Variants in SIPA1L2 observed in about 807,000 individuals in gnomAD.
SIPA1L2 encodes signal-induced proliferation-associated 1-like protein 2.
SIPA1L2 carries 56 observed loss-of-function variants against 163.9 expected under a neutral mutation model. That is an observed-to-expected ratio of 0.34 (90% CI 0.28 to 0.43). The LOEUF (loss-of-function observed/expected upper bound fraction) is 0.43, where lower values mean the gene tolerates loss of function less well. Ranked by LOEUF, SIPA1L2 falls within the 20% of genes least tolerant of loss-of-function variation. The pLI is 1.00. For synonymous variants in SIPA1L2, 877 were observed against 865.7 expected (o/e 1.01, Z -0.23); for missense variants, 1,974 against 2,193.5 (o/e 0.90, Z 2.00).
chr1:232,612,045 C>T (rs1487712875), intron 1 of SIPA1L2, among the ~76,000 whole-genome samples: 1 of 152,302 alleles, frequency 6.6e-6, no homozygotes, highest in African/African-American at 2.4e-5. Flanking sequence ...AAGGGGTCAG[C>T]GTTGAGCTGG....
chr1:232,445,616 C>T lies in SIPA1L2; in HGVS notation c.3266G>A (p.Arg1089Gln), dbSNP rs751784879. ...CTGGAGCAGCTGTTGGCACGGCAGC[C>T]GGTCGGGCGTGCCGGGGATGGGGGA... ...RASPIPGTPD[R>Q]LPCQQLLQQA... Residue 1089 changes from arginine (R) to glutamine (Q), a missense_variant, in exon 11 of 23, where the codon CGG (arginine) becomes CAG (glutamine). Arg to Gln is a conservative substitution (Grantham distance 43). Around this residue, in one of 3 missense-constraint regions of SIPA1L2, gnomAD observed 1,079 missense variants for 1,150.7 expected, o/e 0.94. Coordinates refer to ENST00000674635, the MANE Select transcript of SIPA1L2 (RefSeq NM_020808.5). 1.9e-5 allele frequency: 30 copies of T among 1,613,780 alleles called. 1 individual carries two copies. In the Middle Eastern group the frequency reaches 5.0e-4, roughly 27 times the overall value.
intron 15 of SIPA1L2, among the ~76,000 whole-genome samples, chr1:232,434,379 G>A (rs138228130): frequency 5.3e-5 from 8 of 152,130 alleles, no homozygotes; most frequent in East Asian, 1.9e-4. Context: ...CAAACAAAGC[G>A]CCTCATCTAC....
At chr1:232,576,957 T>C (rs1251012784) in intron 1 of SIPA1L2, among the ~76,000 whole-genome samples, 1 of 152,026 alleles carries the variant, frequency 6.6e-6, no homozygotes, top group African/African-American at 2.4e-5. Flanking sequence ...GGCTGGTTTG[T>C]GAGGTACAAG....
At chr1:232,490,844 C>A in intron 5 of SIPA1L2, 30 bp downstream of exon 5, 2 of 1,548,768 alleles carry the variant, frequency 1.3e-6, no homozygotes, top group Non-Finnish European at 1.7e-6. Flanking sequence ...CAAATTCACA[C>A]ACAAACATAC....
At chr1:232,476,633 C>T (rs942178753) in intron 7 of SIPA1L2, among the ~76,000 whole-genome samples, 4 of 152,128 alleles carry the variant, frequency 2.6e-5, no homozygotes, top group Non-Finnish European at 4.4e-5. Context: ...CAGGACTTAA[C>T]TTTTGAAGAG....
At chr1:232,625,992 G>C (rs1005405961) in intron 1 of SIPA1L2, among the ~76,000 whole-genome samples, 3 of 152,180 alleles carry the variant, frequency 2.0e-5, no homozygotes, top group Non-Finnish European at 2.9e-5. Context: ...TGTGGGGATA[G>C]ATATAAATCC....
At chr1:232,446,191 G>A (rs1040961919) in intron 10 of SIPA1L2, among the ~76,000 whole-genome samples, 26 of 152,186 alleles carry the variant, frequency 1.7e-4, no homozygotes, top group African/African-American at 6.0e-4. Flanking sequence ...GCACAGCAGA[G>A]GCCTCCAGGA....
rs1246412864 is a variant in SIPA1L2 at position 232,629,873 on chromosome 1, G to A, written c.-323C>T. On this transcript the variant is annotated 5_prime_UTR_variant, in exon 1 of 23. Transcript: ENST00000674635. ...GTCGGATTCCCCGACACGAACCTTCGCAACGCCGTCCGCCGGAACCTGCTA... is the reference window on the plus strand; with the variant it reads ...GTCGGATTCCCCGACACGAACCTTCACAACGCCGTCCGCCGGAACCTGCTA... 3.3e-5 allele frequency among the ~76,000 whole-genome samples: 5 copies of A among 151,774 alleles called. No homozygotes were observed. Among genetic ancestry groups the A allele is most frequent in the Admixed American group, 1.3e-4 (2 of 15,260 alleles).
chr1:232,607,563 A>G (rs1053078756), intron 1 of SIPA1L2, among the ~76,000 whole-genome samples: 3 of 152,184 alleles, frequency 2.0e-5, no homozygotes, highest in African/African-American at 7.2e-5. Context: ...ACAGAGCTTA[A>G]CCAAGAAGAC....
rs527684090 is a variant in SIPA1L2, at chr1:232,406,938, A to G, written c.4763-2760T>C. ...TTTTGTAGCTACATGTAGAAAATTAAAAGTTTTGATTCTGACACCTGTGCT... is the reference window on the plus strand; with the variant it reads ...TTTTGTAGCTACATGTAGAAAATTAGAAGTTTTGATTCTGACACCTGTGCT... On this transcript the variant is annotated intron_variant, in intron 19 of 22. Transcript: ENST00000674635. 2.0e-5 allele frequency among the ~76,000 whole-genome samples: 3 copies of G among 152,340 alleles called. No individual in the cohort carries two copies. The East Asian group carries it at 5.8e-4, about 29-fold the overall frequency.
intron 2 of SIPA1L2, among the ~76,000 whole-genome samples, chr1:232,567,560 A>T (rs1659478165): frequency 6.6e-6 from 1 of 151,792 alleles, no homozygotes; most frequent in African/African-American, 2.4e-5. Flanking sequence ...CCTTGCCAAT[A>T]AAAAAAAATT....
intron 3 of SIPA1L2, among the ~76,000 whole-genome samples, chr1:232,510,456 G>A (rs1342673761): frequency 2.0e-5 from 3 of 152,098 alleles, no homozygotes; most frequent in Admixed American, 6.5e-5. Flanking sequence ...AATGCCAAAC[G>A]ATAAGCGTAC....
At chr1:232,626,084 C>T (rs1041346750) in intron 1 of SIPA1L2, among the ~76,000 whole-genome samples, 5 of 152,136 alleles carry the variant, frequency 3.3e-5, no homozygotes, top group Admixed American at 6.5e-5. Context: ...TATTCTTCCC[C>T]CTTTCCCCAC....
In SIPA1L2 at chr1:232,425,567, G is replaced by A. The variant is rs547170126; in HGVS notation, c.4630+22C>T. 15 of 1,535,478 alleles carry A rather than the reference G, an allele frequency of 9.8e-6. No homozygotes were observed. In the South Asian group the frequency reaches 1.6e-4, roughly 16 times the overall value. On this transcript the variant is annotated intron_variant, in intron 18 of 22. Transcript: ENST00000674635. ...CAGCCCACCCTCGGCGCTGGCCAGG[G>A]AGCAGCCAGCCCCTCACTTACTTCT... is the stretch of plus-strand genomic sequence containing the variant.
intron 2 of SIPA1L2, among the ~76,000 whole-genome samples, chr1:232,541,935 A>ATCTCTCTCTCTCTC (rs59407464): frequency 1.0e-3 from 148 of 148,304 alleles, no homozygotes; most frequent in African/African-American, 1.7e-3. Flanking sequence ...TGAGCCTTAA[A>ATCTCTCTCTCTCTC]TCTCTCTCTC....
intron 7 of SIPA1L2, among the ~76,000 whole-genome samples, chr1:232,474,720 C>A (rs1247230452): frequency 6.6e-6 from 1 of 151,728 alleles, no homozygotes; most frequent in South Asian, 2.1e-4. Context: ...CAGCGTGTAA[C>A]CCCAAAATAT....
chr1:232,525,263 T>C (rs921004336), intron 2 of SIPA1L2, among the ~76,000 whole-genome samples: 2 of 119,156 alleles, frequency 1.7e-5, no homozygotes, highest in African/African-American at 6.7e-5. Flanking sequence ...GGAGACGGAG[T>C]CTTGCTCTGT....
chr1:232,497,393 C>A (rs113186797), intron 3 of SIPA1L2, among the ~76,000 whole-genome samples: 5 of 88,224 alleles, frequency 5.7e-5, no homozygotes, highest in Middle Eastern at 4.5e-3. Context: ...GCAAATGGAC[C>A]GGGGCCTTCT....
intron 3 of SIPA1L2, among the ~76,000 whole-genome samples, chr1:232,512,689 A>G (rs981983483): frequency 6.6e-6 from 1 of 152,206 alleles, no homozygotes; most frequent in East Asian, 1.9e-4. Flanking sequence ...CACCTAATGC[A>G]TTCAGGGCTT....
Sources: allele counts gnomAD v4.1 joint callset (sites outside exome capture counted in the v4.1 genomes callset), GRCh38; gene constraint gnomAD v4.1.1; regional missense constraint gnomAD v4.1.1; transcripts MANE v1.5; gene names NCBI Gene and HGNC (gene_info 2026-07-23, HGNC 2026-07-21).